THSD7B: variants seen among roughly 807,000 people sequenced by gnomAD.
THSD7B encodes the protein thrombospondin type 1 domain containing 7B.
A neutral mutation model predicts 213.6 loss-of-function variants in THSD7B; 138 were observed. That is an observed-to-expected ratio of 0.65 (90% CI 0.56 to 0.74). The LOEUF (loss-of-function observed/expected upper bound fraction) is 0.74, where lower values mean the gene tolerates loss of function less well. Ranked by LOEUF, THSD7B falls within the 30% of genes least tolerant of loss-of-function variation. The pLI is 0.00. For missense variants in THSD7B, 1,931 were observed against 1,991.5 expected (o/e 0.97, Z 0.58); for synonymous variants, 742 against 687.0 (o/e 1.08, Z -1.25).
intron 1 of THSD7B, among the ~76,000 whole-genome samples, chr2:136,773,151 A>G (rs1681537771): frequency 2.0e-5 from 3 of 152,062 alleles, no homozygotes; most frequent in Admixed American, 2.0e-4. Flanking sequence ...GAGTAACTAC[A>G]TGTCAGGGTG....
intron 12 of THSD7B, among the ~76,000 whole-genome samples, chr2:137,295,614 T>C (rs913101678): frequency 6.6e-6 from 1 of 152,042 alleles, no homozygotes; most frequent in African/African-American, 2.4e-5. Context: ...TAGCTGGGAT[T>C]ACAGGCACGT....
At chr2:137,278,916 C>T (rs1682934392) in intron 12 of THSD7B, among the ~76,000 whole-genome samples, 1 of 151,998 alleles carries the variant, frequency 6.6e-6, no homozygotes, top group African/African-American at 2.4e-5. Context: ...TTTCAGCTTA[C>T]CTATAAAGAA....
intron 1 of THSD7B, among the ~76,000 whole-genome samples, chr2:136,794,539 C>T (rs1471631466): frequency 6.6e-6 from 1 of 151,784 alleles, no homozygotes. Context: ...TAAATCAATT[C>T]CGCTGGGGGC....
chr2:137,252,936 T>TA (rs1553483004), intron 10 of THSD7B, among the ~76,000 whole-genome samples: 5 of 148,338 alleles, frequency 3.4e-5, no homozygotes, highest in Non-Finnish European at 5.9e-5. Flanking sequence ...TTTTTTTTTT[T>TA]ACTTCACAGC....
At position 136,884,182 on chromosome 2, in the gene THSD7B, A is replaced by G. The variant is rs1034055575; in HGVS notation, c.139+1865A>G. The stretch of plus-strand genomic sequence containing the variant: ...GGTTCTGTTAAAAAAGAAACAGCAC[A>G]TGCGAAGTCGGCAGTTGAGAAGAGT... On this transcript the variant is annotated intron_variant, in intron 2 of 27. Coordinates refer to ENST00000409968, the MANE Select transcript of THSD7B (RefSeq NM_001316349.2). 2.6e-5 allele frequency among the ~76,000 whole-genome samples: 4 copies of G among 152,200 alleles called. No homozygotes were observed. The East Asian group carries it at 5.8e-4, about 22-fold the overall frequency.
At chr2:137,287,827 G>C (rs566219615) in intron 12 of THSD7B, among the ~76,000 whole-genome samples, 1 of 152,130 alleles carries the variant, frequency 6.6e-6, no homozygotes, top group South Asian at 2.1e-4. Context: ...TTGTAAAACT[G>C]GTAGTAAGAA....
chr2:137,083,656 CTT>C (rs974268958), intron 3 of THSD7B, among the ~76,000 whole-genome samples: 2 of 152,092 alleles, frequency 1.3e-5, no homozygotes, highest in Non-Finnish European at 2.9e-5. Context: ...GATAGATTCT[CTT>C]TTGAATCTAT....
chr2:136,991,841 G>A (rs1685790515), intron 2 of THSD7B, among the ~76,000 whole-genome samples: 1 of 152,136 alleles, frequency 6.6e-6, no homozygotes, highest in Non-Finnish European at 1.5e-5. Flanking sequence ...AATTTGTCAA[G>A]AGTATTTTGT....
chr2:137,352,472 G>T (rs528872315), intron 12 of THSD7B, among the ~76,000 whole-genome samples: 2 of 151,946 alleles, frequency 1.3e-5, no homozygotes, highest in South Asian at 4.1e-4. Context: ...AAGTTGGCTC[G>T]TGGGTTAAGC....
At chr2:136,915,077 G>A (rs1006045946) in intron 2 of THSD7B, among the ~76,000 whole-genome samples, 1 of 152,162 alleles carries the variant, frequency 6.6e-6, no homozygotes, top group Admixed American at 6.5e-5. Context: ...TTCGATGGGA[G>A]TTGGACTGTT....
intron 5 of THSD7B, among the ~76,000 whole-genome samples, chr2:137,142,601 A>C (rs546715612): frequency 1.3e-5 from 2 of 152,124 alleles, no homozygotes; most frequent in African/African-American, 2.4e-5. Flanking sequence ...TTTTTGGACA[A>C]TAATTGTATA....
intron 15 of THSD7B, among the ~76,000 whole-genome samples, chr2:137,537,383 T>C (rs913067588): frequency 2.0e-5 from 3 of 151,744 alleles, no homozygotes; most frequent in Non-Finnish European, 4.4e-5. Flanking sequence ...ATTCTTCTTT[T>C]AATTAGGCTA....
In THSD7B at chr2:137,015,619, C is replaced by T. The variant is rs887297895; in HGVS notation, c.140-40801C>T. Among the ~76,000 whole-genome samples, 13 of 152,218 alleles carry T rather than the reference C, an allele frequency of 8.5e-5. 1 individual carries two copies. The highest frequency in any genetic ancestry group is 3.3e-4 in the Admixed American group (5 of 15,264). On this transcript the variant is annotated intron_variant, in intron 2 of 27. Transcript: ENST00000409968. ...CTCCCTTGACATACATATTGCATTCCGTAAAGGTAATTGCTGTCTTCCTGG... is the reference window on the plus strand; with the variant it reads ...CTCCCTTGACATACATATTGCATTCTGTAAAGGTAATTGCTGTCTTCCTGG...
intron 17 of THSD7B, among the ~76,000 whole-genome samples, chr2:137,576,405 C>A (rs1231243481): frequency 6.6e-6 from 1 of 152,066 alleles, no homozygotes; most frequent in Non-Finnish European, 1.5e-5. Flanking sequence ...AGCCAAGCAT[C>A]CCTTCACATA....
chr2:137,031,158 A>G lies in THSD7B; in HGVS notation c.140-25262A>G, dbSNP rs1055579233. ...CAGGAGTTCGAGACCAGCCTGGCCA[A>G]CATGGTGAAACCCCGCCTCTACTAA... On this transcript the variant is annotated intron_variant, in intron 2 of 27. Coordinates refer to ENST00000409968, the MANE Select transcript of THSD7B (RefSeq NM_001316349.2). Among the ~76,000 whole-genome samples, 5 of 152,048 alleles carry G rather than the reference A, an allele frequency of 3.3e-5. 1 individual carries two copies. The East Asian group carries it at 9.7e-4, about 29-fold the overall frequency.
At chr2:137,195,149 G>A (rs1429858583) in intron 7 of THSD7B, among the ~76,000 whole-genome samples, 2 of 151,550 alleles carry the variant, frequency 1.3e-5, no homozygotes, top group African/African-American at 4.9e-5. Context: ...CAACTTTTTG[G>A]TAGATTTAAA....
intron 1 of THSD7B, among the ~76,000 whole-genome samples, chr2:136,781,634 A>G (rs1681745675): frequency 1.3e-5 from 2 of 151,744 alleles, no homozygotes; most frequent in Admixed American, 6.6e-5. Flanking sequence ...CTACTCTACT[A>G]TGGCCCCTCC....
In THSD7B at chr2:137,404,430, G is replaced by GATAT. The variant is rs59001356; in HGVS notation, c.2501-1141_2501-1138dup. 2.6e-3 allele frequency among the ~76,000 whole-genome samples: 128 copies of GATAT among 49,292 alleles called. 1 individual carries two copies. Among genetic ancestry groups the GATAT allele is most frequent in the Non-Finnish European group, 3.1e-3 (90 of 29,416 alleles). The allele number at this position is 49,292 out of a possible 152,430, so 32.3% of individuals were successfully genotyped here. On this transcript the variant is annotated intron_variant, in intron 12 of 27. Coordinates refer to ENST00000409968, the MANE Select transcript of THSD7B (RefSeq NM_001316349.2). ...CAATGAGTGGATAAAGAAACTCTGA[G>GATAT]ATATATATATATATATATATATATA...
At chr2:137,031,231 G>C (rs1428433175) in intron 2 of THSD7B, among the ~76,000 whole-genome samples, 2 of 152,102 alleles carry the variant, frequency 1.3e-5, no homozygotes, top group African/African-American at 4.8e-5. Context: ...TGTAATCCCA[G>C]CTACATGGGA....
Sources: allele counts gnomAD v4.1 joint callset (sites outside exome capture counted in the v4.1 genomes callset), GRCh38; gene constraint gnomAD v4.1.1; transcripts MANE v1.5; gene names NCBI Gene and HGNC (gene_info 2026-07-23, HGNC 2026-07-21).